SGCD: variants seen among roughly 807,000 people sequenced by gnomAD.
The protein encoded by SGCD is delta-sarcoglycan.
Under a neutral mutation model 36.6 loss-of-function variants are expected in SGCD, and 18 were observed. The observed-to-expected ratio is 0.49, with a 90% CI of 0.34 to 0.73. The LOEUF (loss-of-function observed/expected upper bound fraction) is 0.73, where lower values mean the gene tolerates loss of function less well. Among genes scored for constraint, SGCD ranks in the 30% least tolerant of loss-of-function variants. The pLI, the probability that SGCD is intolerant of heterozygous loss-of-function variation, is 0.01. For missense variants in SGCD, 387 were observed against 346.7 expected, an observed-to-expected ratio of 1.12 and a Z score of -0.92; for synonymous variants, 133 against 130.6, an observed-to-expected ratio of 1.02 and a Z score of -0.12.
intron 3 of SGCD, among the ~76,000 whole-genome samples, chr5:156,463,730 C>T (rs201677649): frequency 2.0e-5 from 3 of 152,192 alleles, no homozygotes; most frequent in East Asian, 1.9e-4. Flanking sequence ...TGCGGTGGTG[C>T]GTGCTAGTAA....
rs561737977 is a variant in SGCD at position 156,655,752 on chromosome 5, G to A, written c.575+8216G>A. On this transcript the variant is annotated intron_variant, in intron 7 of 8. Coordinates refer to ENST00000337851, the MANE Select transcript of SGCD (RefSeq NM_000337.6). ...GAAAAATTCATCTTGAATTGAAATC[G>A]TATTTTAATAAATTCATGATCTTAA... Among the ~76,000 whole-genome samples, 109 of 151,986 alleles carry A rather than the reference G, an allele frequency of 7.2e-4. 1 individual carries two copies. Among genetic ancestry groups the A allele is most frequent in the African/African-American group, 2.3e-3 (96 of 41,488 alleles).
chr5:155,996,906 T>TAGATCGATAGAC, intron 1 of SGCD, among the ~76,000 whole-genome samples: 1 of 142,026 alleles, frequency 7.0e-6, no homozygotes, highest in African/African-American at 2.5e-5. Context: ...GATAGATAGA[T>TAGATCGATAGAC]AGACAGACAG....
chr5:155,958,317 G>A (rs1474196582), intron 1 of SGCD, among the ~76,000 whole-genome samples: 1 of 152,132 alleles, frequency 6.6e-6, no homozygotes, highest in Non-Finnish European at 1.5e-5. Flanking sequence ...AGCAAGACTA[G>A]GAGGTGGATA....
chr5:156,654,367 G>T (rs1205994099), intron 7 of SGCD, among the ~76,000 whole-genome samples: 1 of 152,064 alleles, frequency 6.6e-6, no homozygotes, highest in East Asian at 1.9e-4. Flanking sequence ...ATACTGAATG[G>T]GACTGAAACA....
chr5:156,688,592 G>C (rs374708948), intron 7 of SGCD, among the ~76,000 whole-genome samples: 6 of 152,296 alleles, frequency 3.9e-5, no homozygotes, highest in Middle Eastern at 3.4e-3. Flanking sequence ...GCTTCAGAAG[G>C]CTCGCAGGTA....
chr5:156,388,839 A>C (rs1326964330), intron 3 of SGCD, among the ~76,000 whole-genome samples: 1 of 152,258 alleles, frequency 6.6e-6, no homozygotes, highest in Non-Finnish European at 1.5e-5. Flanking sequence ...CTTTAAACAT[A>C]ATACAGATAC....
chr5:155,812,769 A>G, the SGCD span, among the ~76,000 whole-genome samples: 1 of 152,190 alleles, frequency 6.6e-6, no homozygotes, highest in Non-Finnish European at 1.5e-5. Flanking sequence ...ATTTGGGGGT[A>G]TTCACAAAAA....
At chr5:155,968,984 C>T (rs1461073263) in intron 1 of SGCD, among the ~76,000 whole-genome samples, 1 of 152,040 alleles carries the variant, frequency 6.6e-6, no homozygotes, top group African/African-American at 2.4e-5. Flanking sequence ...GTAGATCTAT[C>T]CACATCAATA....
the SGCD span, among the ~76,000 whole-genome samples, chr5:155,843,815 G>A: frequency 1.3e-5 from 2 of 152,172 alleles, no homozygotes; most frequent in Admixed American, 1.3e-4. Flanking sequence ...ACCCCCAGTG[G>A]CTGCCTAGTT....
chr5:156,423,318 T>C (rs1256222450), intron 3 of SGCD, among the ~76,000 whole-genome samples: 13 of 88,218 alleles, frequency 1.5e-4, no homozygotes, highest in African/African-American at 6.5e-4. Flanking sequence ...TATTATAATA[T>C]AATATATTTT....
chr5:156,154,305 C>T (rs925917692), intron 3 of SGCD, among the ~76,000 whole-genome samples: 9 of 151,638 alleles, frequency 5.9e-5, no homozygotes, highest in African/African-American at 2.2e-4. Context: ...GTGGCCTTTC[C>T]TCTTCCACTC....
At chr5:156,014,849 C>T (rs891295061) in intron 1 of SGCD, among the ~76,000 whole-genome samples, 1 of 152,126 alleles carries the variant, frequency 6.6e-6, no homozygotes, top group Non-Finnish European at 1.5e-5. Context: ...CTTTCTATAG[C>T]GTTTTGCACT....
chr5:155,842,065 A>C, the SGCD span, among the ~76,000 whole-genome samples: 1 of 152,086 alleles, frequency 6.6e-6, no homozygotes, highest in East Asian at 1.9e-4. Flanking sequence ...GCTTTGAAAG[A>C]CTCAGCTTGA....
intron 3 of SGCD, among the ~76,000 whole-genome samples, chr5:156,250,327 A>G (rs1027180301): frequency 6.6e-6 from 1 of 152,216 alleles, no homozygotes; most frequent in Non-Finnish European, 1.5e-5. Flanking sequence ...TTGATGATCA[A>G]TATGGAAAAG....
chr5:156,099,878 C>T (rs1485845769), intron 1 of SGCD, among the ~76,000 whole-genome samples: 1 of 151,994 alleles, frequency 6.6e-6, no homozygotes, highest in East Asian at 1.9e-4. Flanking sequence ...AGCTAATATA[C>T]CCAGCTGTTT....
intron 4 of SGCD, among the ~76,000 whole-genome samples, chr5:156,532,804 T>G (rs938946994): frequency 6.6e-6 from 1 of 152,190 alleles, no homozygotes; most frequent in African/African-American, 2.4e-5. Context: ...GCTCTATCAC[T>G]TTGATCTTCT....
chr5:156,259,401 C>G (rs1055419564), intron 3 of SGCD, among the ~76,000 whole-genome samples: 2 of 151,794 alleles, frequency 1.3e-5, no homozygotes, highest in African/African-American at 4.8e-5. Flanking sequence ...TTTTTCTGCT[C>G]TATAGTTTGT....
chr5:155,933,737 G>T (rs1039618338), intron 1 of SGCD, among the ~76,000 whole-genome samples: 2 of 152,218 alleles, frequency 1.3e-5, no homozygotes, highest in Non-Finnish European at 2.9e-5. Context: ...TTGAAGATTT[G>T]TGAGGATTAA....
chr5:156,084,202 T>C (rs941167560), intron 1 of SGCD, among the ~76,000 whole-genome samples: 66 of 152,338 alleles, frequency 4.3e-4, no homozygotes, highest in African/African-American at 1.6e-3. Flanking sequence ...ACACATTTAT[T>C]ATGATAAATA....
Sources: gnomAD v4.1 joint callset for allele counts (sites outside exome capture counted in the v4.1 genomes callset) on GRCh38, gnomAD v4.1.1 for gene constraint, MANE v1.5 for transcripts, NCBI Gene and HGNC (gene_info 2026-07-23, HGNC 2026-07-21) for gene names.